Variants in PHTF2 observed in about 807,000 individuals in gnomAD.
PHTF2 encodes putative homeodomain transcription factor 2.
In PHTF2, 60 loss-of-function variants were observed where a neutral mutation model predicts 101.2. That is an observed-to-expected ratio of 0.59 (90% CI 0.48 to 0.73). The LOEUF is 0.73. Ranked by LOEUF, PHTF2 falls within the 30% of genes least tolerant of loss-of-function variation. The probability of loss-of-function intolerance (pLI) is 0.00; values close to 1 mark genes in which losing one functional copy is unlikely to be tolerated. For missense variants in PHTF2, 747 were observed against 908.7 expected, an observed-to-expected ratio of 0.82 and a Z score of 2.29; for synonymous variants, 311 against 307.3, an observed-to-expected ratio of 1.01 and a Z score of -0.13.
At chr7:77,900,771 C>G (rs1285681408) in exon 6 of PHTF2, 4 of 1,529,442 alleles carry the variant, frequency 2.6e-6, no homozygotes, top group African/African-American at 1.4e-5. Flanking sequence ...AGATGTTGAT[C>G]TTGTAAGAGG....
Position 77,953,756 on chromosome 7 carries a change from T to TC in PHTF2, c.2212-12dup, listed in dbSNP as rs1464132976. ...TTTGAATCTGGGACTGACTTTTTTT[T>TC]CTCTTCTGCTAGGAGTTGGACAGTC... On this transcript the variant is annotated splice_polypyrimidine_tract_variant and intron_variant, in intron 18 of 19. Coordinates refer to ENST00000416283, the Ensembl canonical transcript of PHTF2. The TC allele has an allele frequency of 6.2e-7, 1 of 1,604,206 alleles. No individual in the cohort carries two copies. Among genetic ancestry groups the TC allele is most frequent in the Non-Finnish European group, 8.5e-7 (1 of 1,175,940 alleles).
At position 77,928,601 on chromosome 7, in the gene PHTF2, G is replaced by C. The variant is rs560075578; in HGVS notation, c.1120-508G>C. On this transcript the variant is annotated intron_variant, in intron 11 of 19. Transcript: ENST00000416283. ...AATCCAAGGATTCTCAAATCTCACA[G>C]TCAGCCCTGTGGAACCTGATGACAC... is the stretch of plus-strand genomic sequence containing the variant. 3.3e-5 allele frequency among the ~76,000 whole-genome samples: 5 copies of C among 152,288 alleles called. No homozygotes were observed. The South Asian group carries it at 1.0e-3, about 32-fold the overall frequency.
rs779369229 is a variant in PHTF2, at chr7:77,889,594, CT to C, written c.148-3999del. 8.0e-3 allele frequency among the ~76,000 whole-genome samples: 1,009 copies of C among 126,536 alleles called. 3 individuals carry two copies. The highest frequency in any genetic ancestry group is 0.026 in the African/African-American group (865 of 32,952). 83.0% of individuals were successfully genotyped at this position (126,536 alleles called of 152,430 possible). A position where few individuals can be genotyped will look rare whatever the true frequency, so the allele number is the denominator to read the frequency against. ...AGTATTTTCTTTTTTTTTTTTTTTC[CT>C]TTTTTTTTTTTTTTGAGACGGAGTC... On this transcript the variant is annotated intron_variant, in intron 3 of 19. Transcript: ENST00000416283.
exon 16 of PHTF2, chr7:77,942,725 A>C: frequency 6.2e-7 from 1 of 1,602,170 alleles, no homozygotes; most frequent in Non-Finnish European, 8.5e-7. Flanking sequence ...CGATCAGTTG[A>C]TGTAATAGTT....
chr7:77,873,393 A>G (rs1038667328), intron 3 of PHTF2, among the ~76,000 whole-genome samples: 2 of 152,142 alleles, frequency 1.3e-5, no homozygotes, highest in Non-Finnish European at 2.9e-5. Flanking sequence ...ATTTATATAA[A>G]TTAGAAAACT....
At chr7:77,931,458 A>G (rs1481545194) in intron 12 of PHTF2, among the ~76,000 whole-genome samples, 1 of 152,260 alleles carries the variant, frequency 6.6e-6, no homozygotes, top group Non-Finnish European at 1.5e-5. Flanking sequence ...CCTGATGGCT[A>G]ATAAAATATA....
chr7:77,910,214 TG>T, intron 8 of PHTF2, 30 bp from the exon 8 acceptor site: 1 of 1,579,616 alleles, frequency 6.3e-7, no homozygotes, highest in Non-Finnish European at 8.6e-7. Context: ...ATATTAAAGC[TG>T]CCTTCCATTC....
At chr7:77,947,125 A>AAACAACAAC (rs145896475) in intron 16 of PHTF2, among the ~76,000 whole-genome samples, 21,992 of 151,618 alleles carry the variant, frequency 0.15, 2,312 homozygotes, top group African/African-American at 0.29. Context: ...CTGTCTTTAA[A>AAACAACAAC]AACAACAACA....
intron 7 of PHTF2, among the ~76,000 whole-genome samples, chr7:77,903,044 A>G (rs1050292449): frequency 5.9e-5 from 9 of 152,154 alleles, no homozygotes; most frequent in African/African-American, 2.2e-4. Flanking sequence ...TAAATTTATA[A>G]TACTTTTTAA....
chr7:77,927,080 C>T (rs1210547851), intron 11 of PHTF2, among the ~76,000 whole-genome samples: 1 of 145,748 alleles, frequency 6.9e-6, no homozygotes, highest in Non-Finnish European at 1.5e-5. Context: ...ATTGCTTGAA[C>T]CCAGGAGGTG....
intron 1 of PHTF2, among the ~76,000 whole-genome samples, chr7:77,825,307 A>G (rs146021831): frequency 7.2e-5 from 11 of 152,328 alleles, no homozygotes; most frequent in African/African-American, 2.6e-4. Context: ...CAGAAACAAG[A>G]CAAAGGAAAG....
chr7:77,833,356 A>G (rs1562855111), intron 1 of PHTF2, among the ~76,000 whole-genome samples: 1 of 152,242 alleles, frequency 6.6e-6, no homozygotes, highest in Non-Finnish European at 1.5e-5. Context: ...TAGAGAGTCT[A>G]AATACTTGTG....
In PHTF2 at chr7:77,875,569, T is replaced by A. The variant is rs528121762; in HGVS notation, c.148-18039T>A. Among the ~76,000 whole-genome samples, 273 of 151,608 alleles carry A rather than the reference T, an allele frequency of 1.8e-3. 2 individuals are homozygous for A. The highest frequency in any genetic ancestry group is 5.9e-3 in the African/African-American group (246 of 41,382). The stretch of plus-strand genomic sequence containing the variant: ...ATTTATTTATTTATTATTATTATTA[T>A]TTTTTTGACATGGAGTCTCGCTGTG... On this transcript the variant is annotated intron_variant, in intron 3 of 19. Transcript: ENST00000416283.
At chr7:77,806,703 T>G (rs1360271775) in intron 1 of PHTF2, among the ~76,000 whole-genome samples, 2 of 152,192 alleles carry the variant, frequency 1.3e-5, no homozygotes, top group African/African-American at 4.8e-5. Context: ...GTCTATCGTC[T>G]TGCTATTTGT....
chr7:77,929,035 G>T, intron 11 of PHTF2, 74 bp from the exon 11 acceptor site: 1 of 1,052,338 alleles, frequency 9.5e-7, no homozygotes, highest in South Asian at 1.5e-5. Context: ...ATCAATATAT[G>T]GGTTCTGATA....
chr7:77,825,950 A>G lies in PHTF2; in HGVS notation c.-35-14271A>G, dbSNP rs114115826. 2.7e-3 allele frequency among the ~76,000 whole-genome samples: 406 copies of G among 152,346 alleles called. 1 individual carries two copies. Among genetic ancestry groups the G allele is most frequent in the African/African-American group, 9.1e-3 (377 of 41,576 alleles). ...CTTCAACAAATGGAACAGAAAAAGT[A>G]TTGAGAAATAAAATCCAGACAAAAG... On this transcript the variant is annotated intron_variant, in intron 1 of 19. Coordinates refer to ENST00000416283, the Ensembl canonical transcript of PHTF2.
At chr7:77,953,601 A>G (rs1199799117) in intron 18 of PHTF2, among the ~76,000 whole-genome samples, 168 bp from the exon 18 acceptor site, 4 of 152,344 alleles carry the variant, frequency 2.6e-5, no homozygotes, top group East Asian at 1.9e-4. Context: ...CATTAAAACT[A>G]TTATTGAAAT....
chr7:77,889,005 G>A (rs1800124524), intron 3 of PHTF2, among the ~76,000 whole-genome samples: 1 of 152,178 alleles, frequency 6.6e-6, no homozygotes, highest in Admixed American at 6.5e-5. Context: ...AATGGTTTGG[G>A]TATATTTGTG....
At chr7:77,939,936 A>G (rs1805500438) in intron 13 of PHTF2, 94 bp from the exon 13 acceptor site, 1 of 923,810 alleles carries the variant, frequency 1.1e-6, no homozygotes, top group South Asian at 1.9e-5. Context: ...ATTTTAACAA[A>G]TGATTTCATA....
Sources: gnomAD v4.1 joint callset for allele counts (sites outside exome capture counted in the v4.1 genomes callset) on GRCh38, gnomAD v4.1.1 for gene constraint, MANE v1.5 for transcripts, NCBI Gene and HGNC (gene_info 2026-07-23, HGNC 2026-07-21) for gene names.